The following STEAP1B variants were observed in gnomAD, a reference collection of about 807,000 sequenced individuals.
STEAP1B encodes STEAP family protein MGC87042.
Under a neutral mutation model 27.9 loss-of-function variants are expected in STEAP1B, and 13 were observed. That is an observed-to-expected ratio of 0.47 (90% CI 0.30 to 0.74). The LOEUF is 0.74. STEAP1B is among the 30% of genes least tolerant of loss of function. The probability of loss-of-function intolerance (pLI) is 0.06; values close to 1 mark genes in which losing one functional copy is unlikely to be tolerated. For missense variants in STEAP1B, 250 were observed against 298.7 expected (o/e 0.84, Z 1.20); for synonymous variants, 86 against 107.1 (o/e 0.80, Z 1.22).
chr7:22,459,382 G>A (rs1457904405), intron 4 of STEAP1B, among the ~76,000 whole-genome samples: 4 of 152,202 alleles, frequency 2.6e-5, no homozygotes, highest in African/African-American at 7.2e-5. Context: ...TGTTTTGAAT[G>A]TAGCTTCACG....
rs1294643626 is a variant in STEAP1B at position 22,493,528 on chromosome 7, T to A, written c.393A>T (p.Leu131=). 6.2e-7 allele frequency: 1 copy of A among 1,613,786 alleles called. No homozygotes were observed. Among genetic ancestry groups the A allele is most frequent in the Non-Finnish European group, 8.5e-7 (1 of 1,179,860 alleles). The part of the protein sequence containing the change: ...VSITLLALVY[L]PGVIAAIVQV... ...GGACAATTGCTGCTATCACACCTGG[T>A]AGGTAAACCAATGCCAAGAGAGTGA... Residue 131 remains leucine, a synonymous_variant, in exon 3 of 5, where the codon CTA becomes CTT. Transcript: ENST00000678116.
At chr7:22,470,982 A>G (rs767654537) in intron 4 of STEAP1B, among the ~76,000 whole-genome samples, 5 of 152,220 alleles carry the variant, frequency 3.3e-5, no homozygotes, top group Non-Finnish European at 7.3e-5. Context: ...GAATAGGGTC[A>G]GGCTTCCACA....
chr7:22,475,997 C>T (rs1785965123), intron 4 of STEAP1B, among the ~76,000 whole-genome samples: 1 of 152,184 alleles, frequency 6.6e-6, no homozygotes, highest in Admixed American at 6.5e-5. Context: ...TTTGCTGGCT[C>T]TTGAACTATT....
chr7:22,498,755 G>C (rs894820506), intron 1 of STEAP1B, among the ~76,000 whole-genome samples: 8 of 152,208 alleles, frequency 5.3e-5, no homozygotes, highest in African/African-American at 1.9e-4. Flanking sequence ...CTGTCTTCTA[G>C]ACCCAGTCCT....
chr7:22,478,633 T>A (rs974544867), intron 4 of STEAP1B, among the ~76,000 whole-genome samples: 3 of 152,228 alleles, frequency 2.0e-5, no homozygotes, highest in Non-Finnish European at 4.4e-5. Flanking sequence ...CTTAACTCAC[T>A]GGTGTTATAA....
intron 1 of STEAP1B, among the ~76,000 whole-genome samples, chr7:22,498,349 G>A (rs118090542): frequency 0.037 from 5,671 of 152,238 alleles, 205 homozygotes; most frequent in Admixed American, 0.12. Flanking sequence ...ATCTGAGGGG[G>A]AGACACAGCT....
intron 4 of STEAP1B, among the ~76,000 whole-genome samples, chr7:22,457,912 T>C (rs1785614356): frequency 6.6e-6 from 1 of 152,218 alleles, no homozygotes; most frequent in African/African-American, 2.4e-5. Flanking sequence ...AAATCTGCAC[T>C]GGGGATCCTT....
intron 4 of STEAP1B, among the ~76,000 whole-genome samples, chr7:22,434,298 A>G (rs1785226968): frequency 6.6e-6 from 1 of 152,118 alleles, no homozygotes; most frequent in African/African-American, 2.4e-5. Flanking sequence ...TCAAGTCATG[A>G]TGCCCCATGC....
rs149558260 is a variant in STEAP1B at position 22,464,300 on chromosome 7, T to C, written c.762+28265A>G. On this transcript the variant is annotated intron_variant, in intron 4 of 4. Transcript: ENST00000678116. The stretch of plus-strand genomic sequence containing the variant: ...ATTTGGAGACCTCAGGCTCAGATCA[T>C]TACCCATCACCTCTCCCCCACTCTG... 2.0e-5 allele frequency among the ~76,000 whole-genome samples: 3 copies of C among 152,324 alleles called. No homozygotes were observed. In the East Asian group the frequency reaches 5.8e-4, roughly 29 times the overall value.
chr7:22,440,011 G>A (rs898069951), intron 4 of STEAP1B, among the ~76,000 whole-genome samples: 14 of 152,072 alleles, frequency 9.2e-5, no homozygotes, highest in African/African-American at 1.9e-4. Context: ...ATCAGCCTAC[G>A]CCTTTTGAAA....
At chr7:22,475,392 G>A (rs1023533859) in intron 4 of STEAP1B, among the ~76,000 whole-genome samples, 1 of 152,214 alleles carries the variant, frequency 6.6e-6, no homozygotes, top group Non-Finnish European at 1.5e-5. Context: ...ATTTCGTTCT[G>A]AGTCAGGGTC....
At position 22,479,679 on chromosome 7, in the gene STEAP1B, C is replaced by CTTTTTTTTTTT. The variant is rs569050091; in HGVS notation, c.762+12875_762+12885dup. The stretch of plus-strand genomic sequence containing the variant: ...GACAGTAGCCACTAGTCATGTGTGG[C>CTTTTTTTTTTT]TTTTTTTTTTTTTTTTTTTTTCTGA... On this transcript the variant is annotated intron_variant, in intron 4 of 4. Coordinates refer to ENST00000678116, the MANE Select transcript of STEAP1B (RefSeq NM_001382447.1). 6.1e-4 allele frequency among the ~76,000 whole-genome samples: 56 copies of CTTTTTTTTTTT among 92,118 alleles called. 9 individuals are homozygous for CTTTTTTTTTTT. The highest frequency in any genetic ancestry group is 2.4e-3 in the African/African-American group (52 of 21,320). The allele number at this position is 92,118 out of a possible 152,430, so 60.4% of individuals were successfully genotyped here.
At chr7:22,449,939 G>A (rs1000739093) in intron 4 of STEAP1B, among the ~76,000 whole-genome samples, 10 of 152,280 alleles carry the variant, frequency 6.6e-5, no homozygotes, top group South Asian at 2.1e-4. Flanking sequence ...CCATTTGTGC[G>A]TCTTTTGAGA....
intron 4 of STEAP1B, among the ~76,000 whole-genome samples, chr7:22,483,207 A>G (rs898971460): frequency 6.6e-6 from 1 of 152,126 alleles, no homozygotes; most frequent in Non-Finnish European, 1.5e-5. Context: ...CACTGAGGAT[A>G]CAGGACAAAA....
chr7:22,457,541 G>C (rs1294812117), intron 4 of STEAP1B, among the ~76,000 whole-genome samples: 1 of 152,202 alleles, frequency 6.6e-6, no homozygotes, highest in Non-Finnish European at 1.5e-5. Context: ...ATTTGTTCCT[G>C]AGGTAAGTGG....
At chr7:22,433,519 T>C (rs1217496106) in intron 4 of STEAP1B, among the ~76,000 whole-genome samples, 1 of 149,378 alleles carries the variant, frequency 6.7e-6, no homozygotes, top group Non-Finnish European at 1.5e-5. Context: ...AGGATTTTCC[T>C]GCTCACAAAA....
chr7:22,488,936 A>G (rs1247262861), intron 4 of STEAP1B, among the ~76,000 whole-genome samples: 5 of 152,200 alleles, frequency 3.3e-5, no homozygotes, highest in Non-Finnish European at 7.4e-5. Flanking sequence ...CAAATTGTTG[A>G]AGAAGCCATA....
chr7:22,462,275 CA>C (rs1562575592), intron 4 of STEAP1B, among the ~76,000 whole-genome samples: 5 of 150,926 alleles, frequency 3.3e-5, no homozygotes, highest in African/African-American at 1.2e-4. Flanking sequence ...TACATGTGCA[CA>C]ATGTGCAGGT....
intron 4 of STEAP1B, among the ~76,000 whole-genome samples, chr7:22,428,084 C>T (rs748719770): frequency 6.6e-6 from 1 of 152,178 alleles, no homozygotes; most frequent in South Asian, 2.1e-4. Context: ...TCTTTAAACT[C>T]ATGCACTGGC....
Sources: allele counts gnomAD v4.1 joint callset (sites outside exome capture counted in the v4.1 genomes callset), GRCh38; gene constraint gnomAD v4.1.1; transcripts MANE v1.5; gene names NCBI Gene and HGNC (gene_info 2026-07-23, HGNC 2026-07-21).